Variants in RPTOR observed in about 807,000 individuals in gnomAD.
RPTOR encodes regulatory-associated protein of mTOR.
RPTOR carries 21 observed loss-of-function variants against 169.9 expected under a neutral mutation model. The observed-to-expected ratio is 0.12, with a 90% CI of 0.09 to 0.18. The LOEUF (loss-of-function observed/expected upper bound fraction) is 0.18. Among genes scored for constraint, RPTOR ranks in the 10% least tolerant of loss-of-function variants. RPTOR has a pLI of 1.00. For missense variants in RPTOR, 1,133 were observed against 1,855.9 expected, an observed-to-expected ratio of 0.61 and a Z score of 7.16; for synonymous variants, 732 against 753.2, an observed-to-expected ratio of 0.97 and a Z score of 0.46.
At chr17:80,916,423 C>T (rs2068674141) in intron 21 of RPTOR, among the ~76,000 whole-genome samples, 2 of 152,212 alleles carry the variant, frequency 1.3e-5, no homozygotes, top group Non-Finnish European at 2.9e-5. Context: ...CCCCTGCAGC[C>T]AGCATGCATG....
chr17:80,818,192 C>T (rs1379201354), intron 7 of RPTOR, among the ~76,000 whole-genome samples: 1 of 152,212 alleles, frequency 6.6e-6, no homozygotes, highest in South Asian at 2.1e-4. Flanking sequence ...ACAGGTACCA[C>T]GAGTCATCCA....
chr17:80,753,006 C>T (rs1427798196), intron 5 of RPTOR, among the ~76,000 whole-genome samples: 4 of 152,072 alleles, frequency 2.6e-5, no homozygotes, highest in East Asian at 1.9e-4. Context: ...AAATACCAAC[C>T]GGCATTACTA....
chr17:80,693,244 C>T (rs891331832), intron 3 of RPTOR, among the ~76,000 whole-genome samples: 1 of 152,186 alleles, frequency 6.6e-6, no homozygotes, highest in Non-Finnish European at 1.5e-5. Flanking sequence ...GTCCCCAGGC[C>T]ATTGCCATCA....
intron 3 of RPTOR, among the ~76,000 whole-genome samples, chr17:80,694,865 G>T (rs56388257): frequency 6.6e-6 from 1 of 152,196 alleles, no homozygotes; most frequent in Non-Finnish European, 1.5e-5. Flanking sequence ...TCGAGGGGAA[G>T]GGGTTGAGTA....
rs895415755 is a variant in RPTOR at position 80,944,498 on chromosome 17, C to T, written c.3026-1169C>T. ...GTTTTGAGCAAAGGCATTAACCCTG[C>T]GGCCAGGGCCCCTGGGCCCTCATTC... On this transcript the variant is annotated intron_variant, in intron 25 of 33. Transcript: ENST00000306801. Among the ~76,000 whole-genome samples, 7 of 152,328 alleles carry T rather than the reference C, an allele frequency of 4.6e-5. 1 individual carries two copies. The South Asian group carries it at 8.3e-4, about 18-fold the overall frequency.
In RPTOR at chr17:80,754,652, G is replaced by A. The variant is rs1203956995; in HGVS notation, c.830+467G>A. Among the ~76,000 whole-genome samples, 1 of 152,152 alleles carries A rather than the reference G, an allele frequency of 6.6e-6. No individual in the cohort carries two copies. Among genetic ancestry groups the A allele is most frequent in the Admixed American group, 6.5e-5 (1 of 15,278 alleles). On this transcript the variant is annotated intron_variant, in intron 6 of 33. Transcript: ENST00000306801. The surrounding 1 kb of genome is among the most constrained non-coding windows in gnomAD (Gnocchi z 4.2). ...ATCCTTTTTAAGTTATAGCCGTCGG[G>A]AACATAACTGAAGAAATGTGTGTGA... is the stretch of plus-strand genomic sequence containing the variant.
At position 80,707,177 on chromosome 17, in the gene RPTOR, A is replaced by C. The variant is rs892143449; in HGVS notation, c.349-664A>C. Among the ~76,000 whole-genome samples the C allele has an allele frequency of 1.3e-5, 2 of 152,150 alleles. No homozygotes were observed. Among genetic ancestry groups the C allele is most frequent in the Admixed American group, 1.3e-4 (2 of 15,284 alleles). ...CTTCTGCCATTGCTGCCATGTGTAC[A>C]TTGCAGGCTCCTTCATTTGAGCAAA... On this transcript the variant is annotated intron_variant, in intron 3 of 33. Transcript: ENST00000306801. This position sits in a 1 kb window ranked among gnomAD's most constrained non-coding sequence, Gnocchi z 5.0.
rs572376746 is a variant in RPTOR, at chr17:80,911,248, C to T, written c.2520+2319C>T. Among the ~76,000 whole-genome samples, 33 of 152,270 alleles carry T rather than the reference C, an allele frequency of 2.2e-4. No individual in the cohort carries two copies. In the South Asian group the frequency reaches 4.2e-3, roughly 19 times the overall value. ...CTGCAGCGGACTCTGCCACTTCCTT[C>T]GTCACCGCATCCCTGCAGCGGATTC... On this transcript the variant is annotated intron_variant, in intron 21 of 33. Coordinates refer to ENST00000306801, the MANE Select transcript of RPTOR (RefSeq NM_020761.3).
At chr17:80,872,031 T>C (rs1402042679) in intron 13 of RPTOR, among the ~76,000 whole-genome samples, 2 of 152,222 alleles carry the variant, frequency 1.3e-5, no homozygotes, top group East Asian at 3.8e-4. Flanking sequence ...TAACATAGTT[T>C]AATTGCCTTG....
intron 3 of RPTOR, among the ~76,000 whole-genome samples, chr17:80,679,174 C>T (rs929324917): frequency 6.6e-6 from 1 of 152,174 alleles, no homozygotes; most frequent in Non-Finnish European, 1.5e-5. Context: ...ACTCGGGAGG[C>T]GGAAGTTGCA....
intron 31 of RPTOR, among the ~76,000 whole-genome samples, chr17:80,962,259 G>T (rs2069353235): frequency 1.3e-5 from 2 of 152,224 alleles, no homozygotes; most frequent in African/African-American, 4.8e-5. Context: ...GACAGCCTTG[G>T]CCCTGAGACC....
At chr17:80,914,785 C>T (rs1389625046) in intron 21 of RPTOR, among the ~76,000 whole-genome samples, 1 of 152,242 alleles carries the variant, frequency 6.6e-6, no homozygotes, top group Non-Finnish European at 1.5e-5. Flanking sequence ...CCCCTCGGCA[C>T]AATCAGCCTG....
intron 17 of RPTOR, among the ~76,000 whole-genome samples, chr17:80,886,123 T>C (rs1254957814): frequency 2.0e-5 from 3 of 152,192 alleles, no homozygotes; most frequent in African/African-American, 7.2e-5. Context: ...GCTGGCTGTG[T>C]GTGGCTCCCT....
intron 4 of RPTOR, among the ~76,000 whole-genome samples, chr17:80,722,682 A>G (rs1035906716): frequency 1.3e-5 from 2 of 151,398 alleles, no homozygotes; most frequent in Non-Finnish European, 2.9e-5. Context: ...AAATAATTTT[A>G]AATGTACACG....
intron 1 of RPTOR, among the ~76,000 whole-genome samples, chr17:80,596,482 A>G (rs751815218): frequency 6.6e-6 from 1 of 151,836 alleles, no homozygotes; most frequent in Non-Finnish European, 1.5e-5. Flanking sequence ...ATTTGTGGGC[A>G]TAGGTTGGGG....
At chr17:80,793,328 A>G (rs887920840) in intron 7 of RPTOR, among the ~76,000 whole-genome samples, 2 of 152,190 alleles carry the variant, frequency 1.3e-5, no homozygotes, top group African/African-American at 4.8e-5. Flanking sequence ...GTGTATATAT[A>G]TTATATATCT....
rs2065984255 is a variant in RPTOR, at chr17:80,690,719, C to G, written c.349-17122C>G. 2.6e-5 allele frequency among the ~76,000 whole-genome samples: 4 copies of G among 152,112 alleles called. No individual in the cohort carries two copies. The South Asian group carries it at 8.3e-4, about 32-fold the overall frequency. On this transcript the variant is annotated intron_variant, in intron 3 of 33. Transcript: ENST00000306801. ...CTTACTTTAGGATATCTGATAGTCC[C>G]TCTGTGATATTAGCAGCTATTGATG...
chr17:80,743,923 GCAGAGCCCTGGTTA>G (rs2066523817), intron 5 of RPTOR, among the ~76,000 whole-genome samples: 1 of 72,110 alleles, frequency 1.4e-5, no homozygotes, highest in African/African-American at 6.8e-5. Flanking sequence ...CTGGTTACTA[GCAGAGCCCTGGTTA>G]CTAGCACAGC....
intron 2 of RPTOR, among the ~76,000 whole-genome samples, chr17:80,638,945 A>G (rs1308903848): frequency 6.6e-6 from 1 of 152,174 alleles, no homozygotes; most frequent in Non-Finnish European, 1.5e-5. Flanking sequence ...TCCTAGTCCC[A>G]CAGACGCTGC....
Sources: allele counts gnomAD v4.1 joint callset (sites outside exome capture counted in the v4.1 genomes callset), GRCh38; gene constraint gnomAD v4.1.1; non-coding constraint Gnocchi (gnomAD v3.1); transcripts MANE v1.5; gene names NCBI Gene and HGNC (gene_info 2026-07-23, HGNC 2026-07-21).